The following DHX30 variants were observed in gnomAD, a reference collection of about 807,000 sequenced individuals.
DHX30 encodes ATP-dependent RNA helicase DHX30.
In DHX30, 4 loss-of-function variants were observed where a neutral mutation model predicts 116.9. The observed-to-expected ratio is 0.03, with a 90% CI of 0.02 to 0.08. DHX30 has a LOEUF of 0.08. DHX30 is among the 10% of genes least tolerant of loss of function. The pLI, the probability that DHX30 is intolerant of heterozygous loss-of-function variation, is 1.00. For synonymous variants in DHX30, 697 were observed against 651.7 expected, an observed-to-expected ratio of 1.07 and a Z score of -1.06; for missense variants, 871 against 1,595.1, an observed-to-expected ratio of 0.55 and a Z score of 7.73.
At position 47,848,377 on chromosome 3, in the gene DHX30, T is replaced by G. The variant is rs760755197; in HGVS notation, c.2484T>G (p.Pro828=). 2 of 1,614,032 alleles carry G rather than the reference T, an allele frequency of 1.2e-6. No homozygotes were observed. The highest frequency in any genetic ancestry group is 8.5e-7 in the Non-Finnish European group (1 of 1,180,012). The change falls in exon 15 of 22, where the codon CCT becomes CCG. Residue 828 remains proline (P), a synonymous_variant. Coordinates refer to ENST00000445061, the MANE Select transcript of DHX30 (RefSeq NM_138615.3). The surrounding 1 kb of genome is among the most constrained non-coding windows in gnomAD (Gnocchi z 9.4). Reference sequence around the variant, plus strand: ...TGCTGCAAGCGAAAATCCACATGCCTGAGAAGACGGTGCGGCGGGGCGGGG... The same window carrying G: ...TGCTGCAAGCGAAAATCCACATGCCGGAGAAGACGGTGCGGCGGGGCGGGG... The part of the protein sequence containing the change: ...NLVLQAKIHM[P]EKTAVEFLSK...
At chr3:47,829,299 T>TAC (rs1227099369) in intron 6 of DHX30, among the ~76,000 whole-genome samples, 165 bp downstream of exon 6, 5 of 37,890 alleles carry the variant, frequency 1.3e-4, no homozygotes, top group African/African-American at 3.9e-4. Context: ...TATATATATA[T>TAC]ATATATATAT....
intron 6 of DHX30, among the ~76,000 whole-genome samples, chr3:47,837,328 G>A (rs1023365846): frequency 2.0e-5 from 3 of 152,214 alleles, no homozygotes; most frequent in African/African-American, 7.2e-5. Context: ...GGCTGCCAGG[G>A]CTTCTGACTA....
At chr3:47,840,019 C>T (rs150985825) in intron 6 of DHX30, among the ~76,000 whole-genome samples, 6 of 142,414 alleles carry the variant, frequency 4.2e-5, no homozygotes, top group East Asian at 2.1e-4. Context: ...TTTTTTGAGA[C>T]GGAATCTTGC....
intron 2 of DHX30, among the ~76,000 whole-genome samples, chr3:47,807,070 G>T (rs2035561858): frequency 6.6e-6 from 1 of 152,088 alleles, no homozygotes; most frequent in South Asian, 2.1e-4. Context: ...GCCAGGCGTG[G>T]TGGCGGGTGC....
At chr3:47,845,525 G>T in intron 9 of DHX30, 175 bp from the exon 10 acceptor site, 1 of 677,226 alleles carries the variant, frequency 1.5e-6, no homozygotes, top group African/African-American at 1.8e-5. Flanking sequence ...CGTTTATTTT[G>T]GTAAGTTAAC....
chr3:47,841,631 A>G lies in DHX30; in HGVS notation c.683A>G (p.Glu228Gly), dbSNP rs753603300. 3.7e-6 allele frequency: 6 copies of G among 1,614,114 alleles called. No individual in the cohort carries two copies. The highest frequency in any genetic ancestry group is 5.1e-6 in the Non-Finnish European group (6 of 1,180,052). The change falls in exon 8 of 22, where the codon GAG (glutamate) becomes GGG (glycine). Residue 228 changes from glutamate to glycine, a missense_variant. Glu to Gly is a moderately conservative substitution (Grantham distance 98, BLOSUM62 -2). Transcript: ENST00000445061. ...GGTCCTCCCAGGGGGAGTTCCTTTG[A>G]GATGACAGATGACGACAGTGCCATT... ...PLRDSRGSSF[E>G]MTDDDSAIRA...
chr3:47,815,827 C>T (rs1382814013), intron 3 of DHX30: 2 of 671,194 alleles, frequency 3.0e-6, no homozygotes, highest in African/African-American at 4.0e-5. Flanking sequence ...TGCATTTTCT[C>T]TCCAGGTACA....
At chr3:47,812,227 CAAA>C (rs948233128) in intron 3 of DHX30, among the ~76,000 whole-genome samples, 1 of 148,634 alleles carries the variant, frequency 6.7e-6, no homozygotes, top group African/African-American at 2.5e-5. Flanking sequence ...GATGCCATCT[CAAA>C]AATAAATAAA....
intron 21 of DHX30, 46 bp downstream of exon 21, chr3:47,849,815 C>T (rs2038010814): frequency 3.7e-6 from 6 of 1,608,000 alleles, no homozygotes; most frequent in South Asian, 1.1e-5. Context: ...GCAGCTGCTC[C>T]TCCGGGGCCT....
At chr3:47,832,179 G>A (rs184162156) in intron 6 of DHX30, among the ~76,000 whole-genome samples, 14 of 151,710 alleles carry the variant, frequency 9.2e-5, no homozygotes, top group Admixed American at 8.5e-4. Flanking sequence ...CCAAAGTGCT[G>A]GGATTACAGA....
In DHX30 at chr3:47,849,735, G is replaced by T; in HGVS notation, c.3297G>T (p.Val1099=). 6.2e-7 allele frequency: 1 copy of T among 1,613,962 alleles called. No individual in the cohort carries two copies. Among genetic ancestry groups the T allele is most frequent in the Non-Finnish European group, 8.5e-7 (1 of 1,179,948 alleles). ...RDSSQVHPLA[V]LLLTDGDVHI... The stretch of plus-strand genomic sequence containing the variant: ...CCTCTCAGGTGCACCCGCTAGCTGT[G>T]CTGCTGCTGACCGACGGGGACGTGC... Residue 1099 remains valine (V), a synonymous_variant, in exon 21 of 22, where the codon GTG becomes GTT. Transcript: ENST00000445061.
At position 47,848,550 on chromosome 3, in the gene DHX30, G is replaced by A. The variant is rs1285604661; in HGVS notation, c.2575G>A (p.Gly859Arg). 1.9e-6 allele frequency: 3 copies of A among 1,613,938 alleles called. No individual in the cohort carries two copies. Among genetic ancestry groups the A allele is most frequent in the South Asian group, 1.1e-5 (1 of 91,074 alleles). ...DEAVILLQEIGVLDQREYLTT... is the reference protein window; with the variant it reads ...DEAVILLQEIRVLDQREYLTT... The stretch of plus-strand genomic sequence containing the variant: ...GGCTGTGATCTTGCTCCAGGAGATC[G>A]GTATGTAGGGGCTGGGCTGGGCTGG... Residue 859 changes from glycine to arginine, a missense_variant and splice_region_variant, in exon 16 of 22, where the codon GGG (glycine) becomes AGG (arginine). By Grantham distance (125) the Gly-to-Arg change is moderately radical. Transcript: ENST00000445061. This position sits in a 1 kb window ranked among gnomAD's most constrained non-coding sequence, Gnocchi z 9.4.
chr3:47,809,382 C>G (rs1237388347), intron 2 of DHX30, among the ~76,000 whole-genome samples: 1 of 151,556 alleles, frequency 6.6e-6, no homozygotes, highest in African/African-American at 2.4e-5. Flanking sequence ...GCTGGGACTA[C>G]AGGCCCGCAC....
rs71070231 is a variant in DHX30 at position 47,809,234 on chromosome 3, C to CTTTTTTTTT, written c.-27-1406_-27-1398dup. Among the ~76,000 whole-genome samples, 13 of 63,530 alleles carry CTTTTTTTTT rather than the reference C, an allele frequency of 2.0e-4. 2 individuals are homozygous for CTTTTTTTTT. Among genetic ancestry groups the CTTTTTTTTT allele is most frequent in the Admixed American group, 2.8e-4 (1 of 3,536 alleles). 41.7% of individuals were successfully genotyped at this position (63,530 alleles called of 152,430 possible). The stretch of plus-strand genomic sequence containing the variant: ...AGAAGGTGTCTATGGAATGTAACTT[C>CTTTTTTTTT]TTTTTTTTTTTTTTTTTTTTTTTTT... On this transcript the variant is annotated intron_variant, in intron 2 of 21. Coordinates refer to ENST00000445061, the MANE Select transcript of DHX30 (RefSeq NM_138615.3).
intron 3 of DHX30, chr3:47,816,619 G>T (rs1284521190): frequency 2.0e-6 from 2 of 985,040 alleles, no homozygotes; most frequent in Non-Finnish European, 1.2e-6. Context: ...GCCTCCCAAA[G>T]TGCTGGGATT....
intron 6 of DHX30, among the ~76,000 whole-genome samples, chr3:47,829,663 C>T (rs1414387441): frequency 6.6e-6 from 1 of 151,662 alleles, no homozygotes; most frequent in Non-Finnish European, 1.5e-5. Flanking sequence ...TAAAAACCGC[C>T]CAGCCTATCT....
Position 47,848,602 on chromosome 3 carries a change from A to G in DHX30, c.2576-22A>G. The G allele has an allele frequency of 5.0e-6, 8 of 1,613,996 alleles. No individual in the cohort carries two copies. The highest frequency in any genetic ancestry group is 6.8e-6 in the Non-Finnish European group (8 of 1,179,978). ...CTGGGGAGTGGCTCTCGAGGGTGGT[A>G]CTGACAGCTGAGCCGTTGCAGGGGT... On this transcript the variant is annotated intron_variant, in intron 16 of 21. Coordinates refer to ENST00000445061, the MANE Select transcript of DHX30 (RefSeq NM_138615.3). This position sits in a 1 kb window ranked among gnomAD's most constrained non-coding sequence, Gnocchi z 9.4.
At chr3:47,803,761 T>G (rs1402667302) in intron 1 of DHX30, among the ~76,000 whole-genome samples, 4 of 152,342 alleles carry the variant, frequency 2.6e-5, no homozygotes, top group Middle Eastern at 3.4e-3. Flanking sequence ...TGGTGGTAAC[T>G]TGTCCCATTT....
intron 6 of DHX30, among the ~76,000 whole-genome samples, chr3:47,832,940 CTTTTTTTT>C (rs752858732): frequency 7.2e-4 from 86 of 118,722 alleles, no homozygotes; most frequent in African/African-American, 2.7e-3. Context: ...TGCCTGGCCT[CTTTTTTTT>C]TTTTTTTTTT....
Sources: gnomAD v4.1 joint callset for allele counts (sites outside exome capture counted in the v4.1 genomes callset) on GRCh38, gnomAD v4.1.1 for gene constraint, Gnocchi (gnomAD v3.1) non-coding constraint, MANE v1.5 for transcripts, NCBI Gene and HGNC (gene_info 2026-07-23, HGNC 2026-07-21) for gene names.